ATG14: variants seen among roughly 807,000 people sequenced by gnomAD.
The protein encoded by ATG14 is beclin 1-associated autophagy-related key regulator.
A neutral mutation model predicts 60.4 loss-of-function variants in ATG14; 35 were observed. That is an observed-to-expected ratio of 0.58 (90% CI 0.44 to 0.77). ATG14 has a LOEUF of 0.77. ATG14 is among the 30% of genes least tolerant of loss of function. The probability of loss-of-function intolerance (pLI) is 0.00; values close to 1 mark genes in which losing one functional copy is unlikely to be tolerated. For synonymous variants in ATG14, 234 were observed against 228.8 expected, an observed-to-expected ratio of 1.02 and a Z score of -0.21; for missense variants, 647 against 626.3, an observed-to-expected ratio of 1.03 and a Z score of -0.35.
chr14:55,367,965 G>A lies in ATG14; in HGVS notation c.*1654C>T, dbSNP rs1172784418. On this transcript the variant is annotated 3_prime_UTR_variant, in exon 10 of 10. Coordinates refer to ENST00000247178, the MANE Select transcript of ATG14 (RefSeq NM_014924.5). ...TACAATTATTATGATGAGAAAAGAA[G>A]CTGGGGCATGGCAAACCTCTGAATG... 1 of 152,562 alleles carries A rather than the reference G, an allele frequency of 6.6e-6. No homozygotes were observed. The highest frequency in any genetic ancestry group is 1.5e-5 in the Non-Finnish European group (1 of 68,020). 9.5% of individuals were successfully genotyped at this position (152,562 alleles called of 1,614,324 possible).
chr14:55,409,398 G>C (rs754593160), intron 1 of ATG14, among the ~76,000 whole-genome samples: 14 of 152,224 alleles, frequency 9.2e-5, no homozygotes, highest in African/African-American at 1.4e-4. Context: ...CCCTCATAGA[G>C]TTTATATCAC....
At position 55,367,801 on chromosome 14, in the gene ATG14, A is replaced by G. The variant is rs1459085055; in HGVS notation, c.*1818T>C. Reference sequence around the variant, plus strand: ...AGCCTACTTCCTCCTTTCATGGAAAATTCATAGAGCCAAGGAATTTGTGAC... The same window carrying G: ...AGCCTACTTCCTCCTTTCATGGAAAGTTCATAGAGCCAAGGAATTTGTGAC... On this transcript the variant is annotated 3_prime_UTR_variant, in exon 10 of 10. Transcript: ENST00000247178. 6.6e-6 allele frequency: 1 copy of G among 152,164 alleles called. No individual in the cohort carries two copies. The highest frequency in any genetic ancestry group is 1.9e-4 in the East Asian group (1 of 5,190). The allele number at this position is 152,164 out of a possible 1,614,324, so 9.4% of individuals were successfully genotyped here. A position where few individuals can be genotyped will look rare whatever the true frequency, so the allele number is the denominator to read the frequency against.
intron 4 of ATG14, among the ~76,000 whole-genome samples, chr14:55,386,697 A>G (rs1001980401): frequency 2.0e-5 from 3 of 152,216 alleles, no homozygotes; most frequent in Non-Finnish European, 4.4e-5. Flanking sequence ...CAAGGGAAAC[A>G]AAAGCCTGGC....
At chr14:55,394,566 A>C (rs563002914) in intron 3 of ATG14, among the ~76,000 whole-genome samples, 5 of 152,306 alleles carry the variant, frequency 3.3e-5, no homozygotes, top group African/African-American at 9.6e-5. Flanking sequence ...TAGCATGTAC[A>C]CTACAGATTC....
At chr14:55,395,845 C>A in intron 3 of ATG14, 95 bp downstream of exon 3, 1 of 945,286 alleles carries the variant, frequency 1.1e-6, no homozygotes, top group Non-Finnish European at 1.5e-6. Context: ...CTGCTAAATA[C>A]GATTTTTAAA....
rs563995641 is a variant in ATG14, at chr14:55,403,543, C to CT, written c.222-6110dup. On this transcript the variant is annotated intron_variant, in intron 1 of 9. Transcript: ENST00000247178. ...AATAAAAGGGATAGTCATATATAAT[C>CT]TTTTTTTTTTCATGAAGTGACCTGA... 8.9e-3 allele frequency among the ~76,000 whole-genome samples: 1,335 copies of CT among 149,296 alleles called. 23 individuals carry two copies. Among genetic ancestry groups the CT allele is most frequent in the African/African-American group, 0.03 (1,233 of 40,790 alleles).
intron 3 of ATG14, among the ~76,000 whole-genome samples, chr14:55,393,866 A>G (rs961031758): frequency 1.3e-5 from 2 of 151,908 alleles, no homozygotes; most frequent in Non-Finnish European, 2.9e-5. Context: ...TTATAAGAGT[A>G]TATTTATATT....
chr14:55,380,869 A>T (rs1885019350), intron 6 of ATG14, among the ~76,000 whole-genome samples, 179 bp from the exon 7 acceptor site: 6 of 92,906 alleles, frequency 6.5e-5, no homozygotes, highest in Non-Finnish European at 4.0e-5. Flanking sequence ...ATATATATAT[A>T]TATATATTTT....
chr14:55,371,679 C>T (rs1318437085), intron 9 of ATG14, among the ~76,000 whole-genome samples: 2 of 152,162 alleles, frequency 1.3e-5, no homozygotes, highest in Non-Finnish European at 2.9e-5. Flanking sequence ...TGGCGGGCAC[C>T]TGTAGTCCCG....
chr14:55,396,135 TG>T (rs1885310874), intron 2 of ATG14, among the ~76,000 whole-genome samples, 153 bp from the exon 3 acceptor site: 1 of 152,266 alleles, frequency 6.6e-6, no homozygotes, highest in African/African-American at 2.4e-5. Flanking sequence ...CCAAATTCCC[TG>T]TTCTCTGCAA....
chr14:55,389,916 G>A (rs1042031476), intron 4 of ATG14, among the ~76,000 whole-genome samples: 3 of 151,998 alleles, frequency 2.0e-5, no homozygotes, highest in African/African-American at 7.2e-5. Context: ...GTACAAATAT[G>A]ATGTAAGATT....
In ATG14 at chr14:55,369,558, T is replaced by C. The variant is rs1884762996; in HGVS notation, c.*61A>G. On this transcript the variant is annotated 3_prime_UTR_variant, in exon 10 of 10. Transcript: ENST00000247178. ...CTTAACTTAAACAGAAAATGTTTAC[T>C]AGAGTGTAGTGGGAGAAGAACTTTC... The C allele has an allele frequency of 1.5e-6, 2 of 1,364,338 alleles. No individual in the cohort carries two copies. Among genetic ancestry groups the C allele is most frequent in the Non-Finnish European group, 2.0e-6 (2 of 1,017,954 alleles). The allele number at this position is 1,364,338 out of a possible 1,614,324, so 84.5% of individuals were successfully genotyped here.
chr14:55,370,481 T>C (rs1287572342), intron 9 of ATG14, among the ~76,000 whole-genome samples: 1 of 152,234 alleles, frequency 6.6e-6, no homozygotes, highest in Non-Finnish European at 1.5e-5. Flanking sequence ...CAATGTTGTA[T>C]ATTTCTGCAC....
chr14:55,405,617 C>A lies in ATG14; in HGVS notation c.221+5985G>T, dbSNP rs569849963. 9.8e-5 allele frequency among the ~76,000 whole-genome samples: 15 copies of A among 152,306 alleles called. No individual in the cohort carries two copies. In the South Asian group the frequency reaches 3.1e-3, roughly 32 times the overall value. On this transcript the variant is annotated intron_variant, in intron 1 of 9. Coordinates refer to ENST00000247178, the MANE Select transcript of ATG14 (RefSeq NM_014924.5). ...ACATGAACTGGTAACCAATTTCTTT[C>A]CTGTTGTGAGTGGAAAGATTACTTC...
intron 9 of ATG14, among the ~76,000 whole-genome samples, chr14:55,374,067 C>T (rs9323283): frequency 0.11 from 16,579 of 152,258 alleles, 1,245 homozygotes; most frequent in Non-Finnish European, 0.16. Context: ...ACTTCAGACC[C>T]GCTACAAAAA....
chr14:55,368,074 AGTT>A lies in ATG14; in HGVS notation c.*1542_*1544del, dbSNP rs376551769. On this transcript the variant is annotated 3_prime_UTR_variant, in exon 10 of 10. Coordinates refer to ENST00000247178, the MANE Select transcript of ATG14 (RefSeq NM_014924.5). Reference sequence around the variant, plus strand: ...ACTCTTTCATAGGATTTCTTTTGGTAGTTGTTACATAGGATTTTTTTGCAGTTA... The same window carrying A: ...ACTCTTTCATAGGATTTCTTTTGGTAGTTACATAGGATTTTTTTGCAGTTA... 1.3e-5 allele frequency: 2 copies of A among 151,842 alleles called. No individual in the cohort carries two copies. Among genetic ancestry groups the A allele is most frequent in the African/African-American group, 4.8e-5 (2 of 41,292 alleles). The allele number at this position is 151,842 out of a possible 1,614,324, so 9.4% of individuals were successfully genotyped here.
Position 55,369,839 on chromosome 14 carries a change from C to A in ATG14, c.1259G>T (p.Gly420Val). 6.2e-7 allele frequency: 1 copy of A among 1,614,170 alleles called. No homozygotes were observed. The highest frequency in any genetic ancestry group is 1.1e-5 in the South Asian group (1 of 91,082). Residue 420 changes from glycine (G) to valine (V), a missense_variant, in exon 10 of 10, where the codon GGA becomes GTA. Transcript: ENST00000247178. ...TTCTTCATCGCTGACGCGCTCATCT[C>A]CGCTCTCATCTGATTCTCCAGCAAC... ...PGVAGESDES[G>V]DERVSDEETD...
At chr14:55,381,385 TA>T (rs1358326655) in intron 6 of ATG14, among the ~76,000 whole-genome samples, 2 of 152,202 alleles carry the variant, frequency 1.3e-5, no homozygotes, top group Admixed American at 6.5e-5. Context: ...ATTACAAAGT[TA>T]TACACTATAA....
intron 9 of ATG14, among the ~76,000 whole-genome samples, chr14:55,371,010 A>C (rs1314811188): frequency 1.3e-5 from 2 of 152,042 alleles, no homozygotes; most frequent in East Asian, 3.9e-4. Flanking sequence ...GCCAGGCTGC[A>C]TGTCCTCCCT....
Sources: gnomAD v4.1 joint callset for allele counts (sites outside exome capture counted in the v4.1 genomes callset) on GRCh38, gnomAD v4.1.1 for gene constraint, MANE v1.5 for transcripts, NCBI Gene and HGNC (gene_info 2026-07-23, HGNC 2026-07-21) for gene names.